The following TTC28 variants were observed in gnomAD, a reference collection of about 807,000 sequenced individuals.
TTC28 encodes the protein tetratricopeptide repeat protein 28.
Under a neutral mutation model 198.0 loss-of-function variants are expected in TTC28, and 61 were observed. The observed-to-expected ratio is 0.31, with a 90% CI of 0.25 to 0.38. TTC28 has a LOEUF of 0.38. TTC28 is among the 10% of genes least tolerant of loss of function. TTC28 has a pLI of 1.00. For synonymous variants in TTC28, 1,171 were observed against 1,297.8 expected (o/e 0.90, Z 2.10); for missense variants, 2,678 against 3,164.0 (o/e 0.85, Z 3.69).
chr22:28,620,921 C>T (rs1487399256), intron 2 of TTC28, among the ~76,000 whole-genome samples: 2 of 152,174 alleles, frequency 1.3e-5, no homozygotes, highest in Non-Finnish European at 2.9e-5. Context: ...GGAAATTAGG[C>T]ATTTACCTTA....
chr22:28,020,174 G>A (rs1437332073), intron 13 of TTC28, among the ~76,000 whole-genome samples: 2 of 152,214 alleles, frequency 1.3e-5, no homozygotes. Flanking sequence ...CTGCGGCTCC[G>A]GGCTTCACAG....
At chr22:28,475,198 T>TAATA (rs1390378246) in intron 2 of TTC28, among the ~76,000 whole-genome samples, 9 of 150,138 alleles carry the variant, frequency 6.0e-5, no homozygotes, top group Non-Finnish European at 1.0e-4. Flanking sequence ...AAAGAAAGAT[T>TAATA]AATAAAAACA....
intron 2 of TTC28, among the ~76,000 whole-genome samples, chr22:28,600,655 A>G (rs1157785229): frequency 6.6e-6 from 1 of 152,210 alleles, no homozygotes; most frequent in Non-Finnish European, 1.5e-5. Context: ...GAATACACAT[A>G]TAACAACCAA....
intron 2 of TTC28, among the ~76,000 whole-genome samples, chr22:28,608,012 C>T (rs1040062079): frequency 6.6e-6 from 1 of 152,160 alleles, no homozygotes; most frequent in Non-Finnish European, 1.5e-5. Context: ...ATCTGCTCTT[C>T]CACAAAAGCA....
At chr22:28,020,889 C>T (rs1938567891) in intron 13 of TTC28, among the ~76,000 whole-genome samples, 2 of 152,112 alleles carry the variant, frequency 1.3e-5, no homozygotes, top group South Asian at 4.1e-4. Context: ...CAAACAAGCT[C>T]CTTCAGGCAG....
At chr22:28,200,852 C>T (rs992209920) in intron 5 of TTC28, among the ~76,000 whole-genome samples, 2 of 152,070 alleles carry the variant, frequency 1.3e-5, no homozygotes, top group African/African-American at 4.8e-5. Flanking sequence ...CAAAGACTTG[C>T]TATACTTGGA....
At chr22:28,379,222 T>A (rs2046459705) in intron 2 of TTC28, among the ~76,000 whole-genome samples, 1 of 152,174 alleles carries the variant, frequency 6.6e-6, no homozygotes, top group Non-Finnish European at 1.5e-5. Flanking sequence ...GTGTGATGGT[T>A]CCTTGAAAAT....
chr22:28,526,878 T>A (rs1331154042), intron 2 of TTC28, among the ~76,000 whole-genome samples: 1 of 152,118 alleles, frequency 6.6e-6, no homozygotes, highest in Non-Finnish European at 1.5e-5. Context: ...TGCCTCAGCC[T>A]CCCAAGTAGT....
chr22:28,150,972 T>C (rs368745166), intron 6 of TTC28, among the ~76,000 whole-genome samples: 145 of 152,338 alleles, frequency 9.5e-4, no homozygotes, highest in Non-Finnish European at 1.7e-3. Flanking sequence ...CACTCAAATA[T>C]TCCTTTCTGA....
In TTC28 at chr22:28,014,455, C is replaced by A. The variant is rs1301394896; in HGVS notation, c.4074-63G>T. 14 of 1,476,910 alleles carry A rather than the reference C, an allele frequency of 9.5e-6. No individual in the cohort carries two copies. In the East Asian group the frequency reaches 3.5e-4, roughly 37 times the overall value. 91.5% of individuals were successfully genotyped at this position (1,476,910 alleles called of 1,614,324 possible). A position where few individuals can be genotyped will look rare whatever the true frequency, so the allele number is the denominator to read the frequency against. ...TCAGACAGGCAAAGACTCACCCTGG[C>A]CCTCCAAGCCATGCCCCTGTATGGA... is the stretch of plus-strand genomic sequence containing the variant. On this transcript the variant is annotated intron_variant, in intron 13 of 22. Transcript: ENST00000397906.
At chr22:28,590,825 A>G (rs929135918) in intron 2 of TTC28, among the ~76,000 whole-genome samples, 2 of 151,096 alleles carry the variant, frequency 1.3e-5, no homozygotes, top group African/African-American at 4.9e-5. Flanking sequence ...CCTGGCCAAC[A>G]TGGTGAACCC....
At chr22:28,466,153 T>C (rs1307731301) in intron 2 of TTC28, among the ~76,000 whole-genome samples, 1 of 152,198 alleles carries the variant, frequency 6.6e-6, no homozygotes, top group Non-Finnish European at 1.5e-5. Flanking sequence ...ACAGTGATTA[T>C]CACATTTTAT....
chr22:28,482,037 G>A (rs1471981923), intron 2 of TTC28, among the ~76,000 whole-genome samples: 3 of 152,050 alleles, frequency 2.0e-5, no homozygotes, highest in Non-Finnish European at 4.4e-5. Context: ...ATTCTGCTCT[G>A]TCCCTCATAT....
chr22:28,048,330 C>T (rs940653695), intron 12 of TTC28, among the ~76,000 whole-genome samples: 7 of 152,084 alleles, frequency 4.6e-5, no homozygotes, highest in Admixed American at 4.6e-4. Flanking sequence ...AAACATGCCT[C>T]TAGCACAAGC....
chr22:28,042,495 A>G (rs1328882922), intron 12 of TTC28, among the ~76,000 whole-genome samples: 1 of 151,940 alleles, frequency 6.6e-6, no homozygotes, highest in Non-Finnish European at 1.5e-5. Context: ...AAAACCAAAC[A>G]CCACACATTT....
chr22:28,173,049 G>A (rs1253225165), intron 5 of TTC28, among the ~76,000 whole-genome samples: 1 of 152,138 alleles, frequency 6.6e-6, no homozygotes, highest in Non-Finnish European at 1.5e-5. Flanking sequence ...TTGCAAGACG[G>A]CTAGGCTGAG....
intron 2 of TTC28, among the ~76,000 whole-genome samples, chr22:28,517,785 CTA>C (rs1291774335): frequency 1.4e-4 from 22 of 152,210 alleles, no homozygotes; most frequent in Non-Finnish European, 1.5e-5. Context: ...AACATTCTGA[CTA>C]TTCTAATTAG....
chr22:28,622,423 C>G (rs4637221), intron 2 of TTC28, among the ~76,000 whole-genome samples: 10 of 151,190 alleles, frequency 6.6e-5, no homozygotes, highest in Non-Finnish European at 1.5e-4. Context: ...GTTTGCAGTT[C>G]TAGTCTAACC....
chr22:28,002,507 G>A (rs1937745336), intron 14 of TTC28: 1 of 152,232 alleles, frequency 6.6e-6, no homozygotes, highest in East Asian at 1.9e-4. Flanking sequence ...CCCGTCTGAT[G>A]TGCTGCCGTG....
Sources: allele counts gnomAD v4.1 joint callset (sites outside exome capture counted in the v4.1 genomes callset), GRCh38; gene constraint gnomAD v4.1.1; transcripts MANE v1.5; gene names NCBI Gene and HGNC (gene_info 2026-07-23, HGNC 2026-07-21).